Variants in XKR6 observed in about 807,000 individuals in gnomAD.
The protein encoded by XKR6 is XK-related protein 6.
XKR6 carries 22 observed loss-of-function variants against 56.7 expected under a neutral mutation model. The ratio of observed to expected loss-of-function variants is 0.39; its 90% CI spans 0.28 to 0.55. XKR6 has a LOEUF of 0.55. Among genes scored for constraint, XKR6 ranks in the 20% least tolerant of loss-of-function variants. The pLI, the probability that XKR6 is intolerant of heterozygous loss-of-function variation, is 0.66. For missense variants in XKR6, 852 were observed against 889.0 expected (o/e 0.96, Z 0.53); for synonymous variants, 524 against 387.8 (o/e 1.35, Z -4.13).
At chr8:11,048,667 T>A (rs968243000) in intron 1 of XKR6, among the ~76,000 whole-genome samples, 2 of 152,160 alleles carry the variant, frequency 1.3e-5, no homozygotes, top group Admixed American at 1.3e-4. Context: ...AAGGGAGCCC[T>A]GGAGGCTGAG....
intron 1 of XKR6, among the ~76,000 whole-genome samples, chr8:10,964,309 G>A (rs1239544175): frequency 6.6e-6 from 1 of 152,170 alleles, no homozygotes; most frequent in Non-Finnish European, 1.5e-5. Flanking sequence ...TAGGACACCT[G>A]TTTGCTCAGT....
chr8:11,173,383 A>ACG lies in XKR6; in HGVS notation c.764+27192_764+27193insCG, dbSNP rs534354233. On this transcript the variant is annotated intron_variant, in intron 1 of 2. Transcript: ENST00000416569. ...TATATATATACACACACACACACAC[A>ACG]CACAAATATATATACATATATATAT... Among the ~76,000 whole-genome samples the ACG allele has an allele frequency of 2.3e-3, 345 of 149,530 alleles. 1 individual carries two copies. Among genetic ancestry groups the ACG allele is most frequent in the African/African-American group, 4.4e-3 (179 of 40,740 alleles).
chr8:11,145,987 G>A (rs542819886), intron 1 of XKR6, among the ~76,000 whole-genome samples: 4 of 152,128 alleles, frequency 2.6e-5, no homozygotes, highest in Admixed American at 1.3e-4. Flanking sequence ...TGTGGGCATC[G>A]AGATACACAA....
intron 1 of XKR6, among the ~76,000 whole-genome samples, chr8:11,082,783 G>C (rs546870224): frequency 6.6e-6 from 1 of 152,286 alleles, no homozygotes; most frequent in East Asian, 1.9e-4. Flanking sequence ...GGCCGTCCTC[G>C]AACACTCTCC....
intron 1 of XKR6, among the ~76,000 whole-genome samples, chr8:10,996,464 C>T (rs1159477101): frequency 6.6e-6 from 1 of 152,144 alleles, no homozygotes; most frequent in East Asian, 1.9e-4. Flanking sequence ...GTGAGAAGGA[C>T]CAGAGCACAT....
chr8:11,158,192 A>C (rs1354492695), intron 1 of XKR6, among the ~76,000 whole-genome samples: 1 of 152,322 alleles, frequency 6.6e-6, no homozygotes, highest in South Asian at 2.1e-4. Context: ...CCATAATGAC[A>C]GGGGAAATAC....
chr8:10,945,007 G>T (rs1433271162), intron 1 of XKR6, among the ~76,000 whole-genome samples: 1 of 152,182 alleles, frequency 6.6e-6, no homozygotes, highest in African/African-American at 2.4e-5. Flanking sequence ...ATGTCGCCAT[G>T]CAGTCTTTCT....
At chr8:11,037,209 G>A (rs1049871034) in intron 1 of XKR6, among the ~76,000 whole-genome samples, 2 of 152,158 alleles carry the variant, frequency 1.3e-5, no homozygotes, top group Non-Finnish European at 2.9e-5. Context: ...GTGATTACAT[G>A]AGTTGATCAA....
chr8:10,956,985 G>A (rs1015214915), intron 1 of XKR6, among the ~76,000 whole-genome samples: 1 of 152,066 alleles, frequency 6.6e-6, no homozygotes, highest in African/African-American at 2.4e-5. Flanking sequence ...GAGTCTTGCT[G>A]TGTCACCCAG....
chr8:11,037,981 C>T (rs958927871), intron 1 of XKR6, among the ~76,000 whole-genome samples: 7 of 149,114 alleles, frequency 4.7e-5, no homozygotes, highest in Admixed American at 2.0e-4. Context: ...GAGCCAAGAT[C>T]ATGCCACTGC....
intron 1 of XKR6, among the ~76,000 whole-genome samples, chr8:11,086,890 C>T (rs1332238675): frequency 6.6e-6 from 1 of 152,224 alleles, no homozygotes; most frequent in Non-Finnish European, 1.5e-5. Context: ...ACAGAGGCGT[C>T]GGAGGTCACC....
In XKR6 at chr8:10,898,871, G is replaced by A; in HGVS notation, c.1007C>T (p.Ala336Val). 1 of 1,613,440 alleles carries A rather than the reference G, an allele frequency of 6.2e-7. No homozygotes were observed. The highest frequency in any genetic ancestry group is 2.2e-5 in the East Asian group (1 of 44,878). Residue 336 changes from alanine to valine, a missense_variant, in exon 3 of 3, where the codon GCC becomes GTC. Coordinates refer to ENST00000416569, the MANE Select transcript of XKR6 (RefSeq NM_173683.4). This position sits in a 1 kb window ranked among gnomAD's most constrained non-coding sequence, Gnocchi z 6.6. ...TSLMSLAWVL[A>V]SYHKLLRDSR... ...GTCCCGCAGCAGCTTGTGATAGGAG[G>A]CTAGCACCCAAGCCAGGGACATCAG... is the stretch of plus-strand genomic sequence containing the variant.
At chr8:11,093,806 T>C (rs1017135315) in intron 1 of XKR6, among the ~76,000 whole-genome samples, 2 of 152,232 alleles carry the variant, frequency 1.3e-5, no homozygotes, top group Non-Finnish European at 2.9e-5. Flanking sequence ...TTTTTTGAGA[T>C]GGAGTCTCGC....
chr8:10,901,194 T>A (rs1012424185), intron 2 of XKR6, among the ~76,000 whole-genome samples: 1 of 152,018 alleles, frequency 6.6e-6, no homozygotes, highest in African/African-American at 2.4e-5. Context: ...TAGCTGGGAC[T>A]ACAGGTGCAC....
At chr8:10,987,638 G>C (rs1401069868) in intron 1 of XKR6, among the ~76,000 whole-genome samples, 4 of 152,242 alleles carry the variant, frequency 2.6e-5, no homozygotes, top group South Asian at 2.1e-4. Context: ...GAGGGACCAC[G>C]TTAAACTGTA....
intron 1 of XKR6, among the ~76,000 whole-genome samples, chr8:11,045,976 G>T (rs552636623): frequency 6.6e-6 from 1 of 152,328 alleles, no homozygotes; most frequent in Admixed American, 6.5e-5. Context: ...ACCCTTGTGC[G>T]CTGTTGTTGA....
intron 1 of XKR6, among the ~76,000 whole-genome samples, chr8:10,989,880 T>C (rs1485561771): frequency 6.6e-6 from 1 of 152,234 alleles, no homozygotes; most frequent in Non-Finnish European, 1.5e-5. Flanking sequence ...CATACTAATC[T>C]GTCACTTCTG....
At chr8:11,073,071 C>G (rs553440268) in intron 1 of XKR6, among the ~76,000 whole-genome samples, 2 of 152,116 alleles carry the variant, frequency 1.3e-5, no homozygotes, top group Non-Finnish European at 2.9e-5. Context: ...AAAAGTTGCC[C>G]CCACATGCTA....
chr8:11,051,932 G>T (rs1799559887), intron 1 of XKR6, among the ~76,000 whole-genome samples: 1 of 152,246 alleles, frequency 6.6e-6, no homozygotes, highest in Admixed American at 6.5e-5. Context: ...TTACAGAGGT[G>T]CGCGTGTGCC....
Sources: allele counts gnomAD v4.1 joint callset (sites outside exome capture counted in the v4.1 genomes callset), GRCh38; gene constraint gnomAD v4.1.1; non-coding constraint Gnocchi (gnomAD v3.1); transcripts MANE v1.5; gene names NCBI Gene and HGNC (gene_info 2026-07-23, HGNC 2026-07-21).